PEBP4: variants seen among roughly 807,000 people sequenced by gnomAD.
PEBP4 encodes the protein phosphatidylethanolamine-binding protein 4.
PEBP4 carries 22 observed loss-of-function variants against 23.9 expected under a neutral mutation model. That is an observed-to-expected ratio of 0.92 (90% CI 0.66 to 1.31). PEBP4 has a LOEUF of 1.31. PEBP4 is among the 40% of genes most tolerant of loss of function. PEBP4 has a pLI of 0.00. For synonymous variants in PEBP4, 112 were observed against 99.3 expected (o/e 1.13, Z -0.76); for missense variants, 324 against 281.7 (o/e 1.15, Z -1.07).
In PEBP4 at chr8:22,760,661, C is replaced by A. The variant is rs142113435; in HGVS notation, c.358-33441G>T. Among the ~76,000 whole-genome samples the A allele has an allele frequency of 1.3e-3, 197 of 152,154 alleles. 2 individuals are homozygous for A. The highest frequency in any genetic ancestry group is 4.6e-3 in the African/African-American group (193 of 41,506). ...GGGAAGGAAAGTGGTTCCTACAGGG[C>A]CTGTACCATGCCATTTTGGAATCCC... On this transcript the variant is annotated intron_variant, in intron 4 of 6. Transcript: ENST00000256404.
chr8:22,867,396 ATGTCG>A (rs1418391420), intron 3 of PEBP4, among the ~76,000 whole-genome samples: 1 of 152,124 alleles, frequency 6.6e-6, no homozygotes, highest in Non-Finnish European at 1.5e-5. Flanking sequence ...GCCTGCGAAG[ATGTCG>A]TGTCAATAAC....
rs143909268 is a variant in PEBP4, at chr8:22,797,640, T to C, written c.357+19997A>G. ...TGATGGTGAGCAGAGCAGCAGTGGG[T>C]GGTCAGTTGGTGGAGGAGGCTGCTG... On this transcript the variant is annotated intron_variant, in intron 4 of 6. Transcript: ENST00000256404. Among the ~76,000 whole-genome samples, 1,326 of 152,182 alleles carry C rather than the reference T, an allele frequency of 8.7e-3. 20 individuals carry two copies. Among genetic ancestry groups the C allele is most frequent in the African/African-American group, 0.03 (1,265 of 41,518 alleles).
chr8:22,857,241 TACAC>T (rs35324307), intron 3 of PEBP4, among the ~76,000 whole-genome samples: 3,115 of 148,024 alleles, frequency 0.021, 93 homozygotes, highest in African/African-American at 0.072. Flanking sequence ...AAATGAAACC[TACAC>T]ACACACACAC....
intron 4 of PEBP4, among the ~76,000 whole-genome samples, chr8:22,765,152 T>TTCCTTCCTTC (rs1375605717): frequency 5.1e-4 from 34 of 66,822 alleles, no homozygotes; most frequent in East Asian, 9.1e-4. Context: ...TTCCTTCCTT[T>TTCCTTCCTTC]CTTTCTTCTG....
intron 3 of PEBP4, among the ~76,000 whole-genome samples, chr8:22,892,515 A>ACTAGTTT (rs1808515047): frequency 6.6e-6 from 1 of 152,132 alleles, no homozygotes; most frequent in Non-Finnish European, 1.5e-5. Flanking sequence ...TTCTGTATTA[A>ACTAGTTT]CTAGTTTTCT....
chr8:22,842,889 G>A lies in PEBP4; in HGVS notation c.259-25154C>T, dbSNP rs572266739. Among the ~76,000 whole-genome samples the A allele has an allele frequency of 1.4e-4, 21 of 152,246 alleles. 1 individual carries two copies. Among genetic ancestry groups the A allele is most frequent in the Admixed American group, 2.0e-4 (3 of 15,274 alleles). ...GTTGCCCAGGCTGGAGTGCAGTGGCGCTAACTCTGCTCACTGCAACCTCTG... is the reference window on the plus strand; with the variant it reads ...GTTGCCCAGGCTGGAGTGCAGTGGCACTAACTCTGCTCACTGCAACCTCTG... On this transcript the variant is annotated intron_variant, in intron 3 of 6. Coordinates refer to ENST00000256404, the MANE Select transcript of PEBP4 (RefSeq NM_144962.3).
chr8:22,749,004 C>T (rs1415297829), intron 4 of PEBP4, among the ~76,000 whole-genome samples: 1 of 152,008 alleles, frequency 6.6e-6, no homozygotes, highest in African/African-American at 2.4e-5. Context: ...TGGGGGGTTC[C>T]ACTGCTGGGA....
chr8:22,889,741 C>G (rs1316477685), intron 3 of PEBP4, among the ~76,000 whole-genome samples: 2 of 152,170 alleles, frequency 1.3e-5, no homozygotes, highest in African/African-American at 4.8e-5. Context: ...AAGTTCCTAT[C>G]GATTTGAACT....
At chr8:22,859,219 CT>C (rs1343629167) in intron 3 of PEBP4, among the ~76,000 whole-genome samples, 3 of 152,204 alleles carry the variant, frequency 2.0e-5, no homozygotes, top group Admixed American at 6.5e-5. Flanking sequence ...GGCCATCAGA[CT>C]CCCCCCGTGG....
At chr8:22,888,353 C>T (rs1021195528) in intron 3 of PEBP4, among the ~76,000 whole-genome samples, 30 of 152,262 alleles carry the variant, frequency 2.0e-4, no homozygotes, top group African/African-American at 6.3e-4. Context: ...GGGGTTTCAG[C>T]ATGTTTGCCA....
At chr8:22,938,120 A>T (rs1032767106) in intron 1 of PEBP4, among the ~76,000 whole-genome samples, 1 of 152,150 alleles carries the variant, frequency 6.6e-6, no homozygotes, top group African/African-American at 2.4e-5. Flanking sequence ...ATCAAAGGAC[A>T]CTATCAAGAC....
At chr8:22,737,936 G>A (rs1804904255) in intron 4 of PEBP4, among the ~76,000 whole-genome samples, 2 of 152,194 alleles carry the variant, frequency 1.3e-5, no homozygotes, top group South Asian at 4.1e-4. Flanking sequence ...GAAAGGCTCG[G>A]TGGTTGCCGG....
At chr8:22,768,588 G>A (rs1027849613) in intron 4 of PEBP4, among the ~76,000 whole-genome samples, 3 of 152,178 alleles carry the variant, frequency 2.0e-5, no homozygotes, top group Non-Finnish European at 1.5e-5. Flanking sequence ...CCAGCCCTTC[G>A]GTTGCCAAGG....
intron 3 of PEBP4, among the ~76,000 whole-genome samples, chr8:22,824,086 C>T (rs1806917284): frequency 6.6e-6 from 1 of 152,130 alleles, no homozygotes; most frequent in Non-Finnish European, 1.5e-5. Context: ...ACATATTGTA[C>T]ACATGTACAT....
intron 6 of PEBP4, among the ~76,000 whole-genome samples, chr8:22,717,012 T>A (rs1242370882): frequency 6.6e-6 from 1 of 152,188 alleles, no homozygotes; most frequent in Non-Finnish European, 1.5e-5. Context: ...GTAGTCTGGG[T>A]CCCTAGCAGA....
intron 4 of PEBP4, among the ~76,000 whole-genome samples, chr8:22,743,367 A>G (rs1805040294): frequency 2.0e-5 from 3 of 152,218 alleles, no homozygotes; most frequent in Admixed American, 2.0e-4. Flanking sequence ...GGAGCCTCTA[A>G]TGACGGGGTT....
At chr8:22,719,295 G>C (rs1239485656) in intron 6 of PEBP4, among the ~76,000 whole-genome samples, 2 of 152,224 alleles carry the variant, frequency 1.3e-5, no homozygotes, top group Non-Finnish European at 2.9e-5. Context: ...CTCGGCCTTG[G>C]AGTGGCTTCT....
chr8:22,913,399 T>A (rs567159462), intron 3 of PEBP4, among the ~76,000 whole-genome samples: 4 of 152,174 alleles, frequency 2.6e-5, no homozygotes, highest in African/African-American at 9.7e-5. Context: ...TCTTCTGCAA[T>A]GTCCGTGACA....
intron 3 of PEBP4, among the ~76,000 whole-genome samples, chr8:22,873,637 TAAAC>T (rs1468692697): frequency 1.3e-5 from 2 of 152,114 alleles, no homozygotes; most frequent in South Asian, 2.1e-4. Context: ...GTCTCAAAAA[TAAAC>T]AAACAATCGA....
Sources: allele counts gnomAD v4.1 joint callset (sites outside exome capture counted in the v4.1 genomes callset), GRCh38; gene constraint gnomAD v4.1.1; transcripts MANE v1.5; gene names NCBI Gene and HGNC (gene_info 2026-07-23, HGNC 2026-07-21).